Variants in PRDX6 observed in about 807,000 individuals in gnomAD.
PRDX6 encodes peroxiredoxin-6.
A neutral mutation model predicts 20.0 loss-of-function variants in PRDX6; 13 were observed. The ratio of observed to expected loss-of-function variants is 0.65; its 90% CI spans 0.42 to 1.03. The LOEUF (loss-of-function observed/expected upper bound fraction) is 1.03. Among genes scored for constraint, PRDX6 ranks in the 50% least tolerant of loss-of-function variants. PRDX6 has a pLI of 0.00. For missense variants in PRDX6, 203 were observed against 276.9 expected (o/e 0.73, Z 1.89); for synonymous variants, 85 against 100.8 (o/e 0.84, Z 0.94).
chr1:173,486,478 G>A lies in PRDX6; in HGVS notation c.546+77G>A, dbSNP rs1658900901. ...CTAAATGGCCAACTTCAAGGTCTGT[G>A]TTACCTGTTTCTAGCACGCAAGTAC... On this transcript the variant is annotated intron_variant, in intron 4 of 4. Coordinates refer to ENST00000340385, the MANE Select transcript of PRDX6 (RefSeq NM_004905.3). 9.6e-6 allele frequency: 14 copies of A among 1,455,988 alleles called. No homozygotes were observed. The South Asian group carries it at 9.7e-5, about 10-fold the overall frequency. The allele number at this position is 1,455,988 out of a possible 1,614,324, so 90.2% of individuals were successfully genotyped here.
At chr1:173,486,439 T>G in intron 4 of PRDX6, 38 bp downstream of exon 4, 20 of 1,579,466 alleles carry the variant, frequency 1.3e-5, no homozygotes, top group Non-Finnish European at 1.5e-5. Context: ...TCTACTTGCC[T>G]GAAGGGCCAG....
At chr1:173,481,118 G>A in intron 1 of PRDX6, 2 of 522,036 alleles carry the variant, frequency 3.8e-6, no homozygotes, top group East Asian at 6.3e-5. Flanking sequence ...TCATGTCTTT[G>A]ATTGAATTGG....
intron 2 of PRDX6, among the ~76,000 whole-genome samples, chr1:173,483,082 A>G (rs1255328586): frequency 6.6e-6 from 1 of 152,256 alleles, no homozygotes; most frequent in Non-Finnish European, 1.5e-5. Flanking sequence ...TCTAATGCCC[A>G]TGATGCAAGT....
intron 1 of PRDX6, 46 bp downstream of exon 1, chr1:173,477,538 A>T: frequency 6.8e-7 from 1 of 1,467,562 alleles, no homozygotes; most frequent in South Asian, 1.2e-5. Flanking sequence ...GTTGCGCCGG[A>T]CTCGGAGGTG....
chr1:173,478,638 G>C (rs1434494167), intron 1 of PRDX6, among the ~76,000 whole-genome samples: 1 of 152,020 alleles, frequency 6.6e-6, no homozygotes, highest in Non-Finnish European at 1.5e-5. Context: ...CTACACTGTG[G>C]GGCTCCAAGG....
At chr1:173,486,542 G>C (rs1278263133) in intron 4 of PRDX6, 141 bp downstream of exon 4, 1 of 833,836 alleles carries the variant, frequency 1.2e-6, no homozygotes, top group Admixed American at 3.2e-5. Flanking sequence ...TTCAAGATTT[G>C]CTGAAAGGCC....
chr1:173,484,172 A>T (rs71637469), intron 2 of PRDX6, among the ~76,000 whole-genome samples: 21 of 91,244 alleles, frequency 2.3e-4, no homozygotes, highest in Admixed American at 5.1e-4. Flanking sequence ...ATATATTTAT[A>T]TATATACACA....
chr1:173,480,910 A>G (rs1432313776), intron 1 of PRDX6, among the ~76,000 whole-genome samples: 1 of 152,226 alleles, frequency 6.6e-6, no homozygotes, highest in African/African-American at 2.4e-5. Flanking sequence ...GACATCCATT[A>G]TTGGAGCTGA....
chr1:173,486,670 G>T (rs1047924581), intron 4 of PRDX6, among the ~76,000 whole-genome samples: 2 of 151,730 alleles, frequency 1.3e-5, no homozygotes, highest in African/African-American at 4.8e-5. Context: ...CTAATAGAAG[G>T]TTTAAAAAAA....
At chr1:173,478,580 T>G (rs1464999554) in intron 1 of PRDX6, among the ~76,000 whole-genome samples, 1 of 152,104 alleles carries the variant, frequency 6.6e-6, no homozygotes, top group Non-Finnish European at 1.5e-5. Context: ...TCAGAAGCAT[T>G]CCAGGCATGT....
chr1:173,485,634 A>G (rs1052403186), intron 3 of PRDX6, 127 bp downstream of exon 3: 4 of 874,650 alleles, frequency 4.6e-6, no homozygotes, highest in East Asian at 2.9e-5. Flanking sequence ...TATTGGCGAC[A>G]ATATCACTGA....
In PRDX6 at chr1:173,488,439, G is replaced by GA. The variant is rs761638283; in HGVS notation, c.*583dup. The GA allele has an allele frequency of 6.6e-6, 1 of 152,020 alleles. No homozygotes were observed. The highest frequency in any genetic ancestry group is 1.9e-4 in the East Asian group (1 of 5,196). 9.4% of individuals were successfully genotyped at this position (152,020 alleles called of 1,614,324 possible). On this transcript the variant is annotated 3_prime_UTR_variant, in exon 5 of 5. Transcript: ENST00000340385. ...TAATACATCTTGATCACAGCTGGGG[G>GA]AAAAAAAGCTTTTTAATTCTATACC...
intron 2 of PRDX6, among the ~76,000 whole-genome samples, chr1:173,482,484 G>A (rs951923552): frequency 1.3e-5 from 2 of 152,178 alleles, no homozygotes; most frequent in Admixed American, 6.5e-5. Context: ...GTCAATATTT[G>A]TTGAATGAAT....
Position 173,481,263 on chromosome 1 carries a change from C to T in PRDX6, c.96-63C>T, listed in dbSNP as rs142496350. ...TTTTGATCCAGAAGTTGTGACTTTT[C>T]ATTCTCTGTGATGTTGGTGATAACT... On this transcript the variant is annotated intron_variant, in intron 1 of 4. Coordinates refer to ENST00000340385, the MANE Select transcript of PRDX6 (RefSeq NM_004905.3). The T allele has an allele frequency of 3.7e-4, 540 of 1,467,534 alleles. 2 individuals carry two copies. In the Middle Eastern group the frequency reaches 5.1e-3, roughly 14 times the overall value. The allele number at this position is 1,467,534 out of a possible 1,614,324, so 90.9% of individuals were successfully genotyped here.
At position 173,480,489 on chromosome 1, in the gene PRDX6, G is replaced by A. The variant is rs143248474; in HGVS notation, c.96-837G>A. Among the ~76,000 whole-genome samples the A allele has an allele frequency of 7.8e-3, 1,190 of 152,308 alleles. 9 individuals are homozygous for A. Among genetic ancestry groups the A allele is most frequent in the Non-Finnish European group, 0.01 (699 of 68,014 alleles). ...CCAAGAAGAAGGAAATGGTACTTCAGCTTTCTTCGTGACAGCTTGAAATGT... is the reference window on the plus strand; with the variant it reads ...CCAAGAAGAAGGAAATGGTACTTCAACTTTCTTCGTGACAGCTTGAAATGT... On this transcript the variant is annotated intron_variant, in intron 1 of 4. Transcript: ENST00000340385.
rs1658924224 is a variant in PRDX6, at chr1:173,487,765, A to G, written c.577A>G (p.Ile193Val). The change falls in exon 5 of 5, where the codon ATC becomes GTC. Residue 193 changes from isoleucine to valine, a missense_variant. Coordinates refer to ENST00000340385, the MANE Select transcript of PRDX6 (RefSeq NM_004905.3). ...GGATAGTGTGATGGTCCTTCCAACC[A>G]TCCCTGAAGAAGAAGCCAAAAAACT... is the stretch of plus-strand genomic sequence containing the variant. ...DGDSVMVLPTIPEEEAKKLFP... is the reference protein window; with the variant it reads ...DGDSVMVLPTVPEEEAKKLFP... The G allele has an allele frequency of 6.2e-7, 1 of 1,614,048 alleles. No individual in the cohort carries two copies. The highest frequency in any genetic ancestry group is 1.1e-5 in the South Asian group (1 of 91,086).
At chr1:173,483,931 T>C (rs1019804551) in intron 2 of PRDX6, among the ~76,000 whole-genome samples, 2 of 151,378 alleles carry the variant, frequency 1.3e-5, no homozygotes, top group East Asian at 1.9e-4. Context: ...CGAAACCCCG[T>C]TTCTACTAAA....
intron 1 of PRDX6, among the ~76,000 whole-genome samples, chr1:173,480,712 G>A (rs931854984): frequency 6.6e-6 from 1 of 152,154 alleles, no homozygotes; most frequent in Non-Finnish European, 1.5e-5. Context: ...TAAATATTGG[G>A]TGTCATGTTT....
At position 173,483,921 on chromosome 1, in the gene PRDX6, C is replaced by T. The variant is rs139912370; in HGVS notation, c.253-1440C>T. Among the ~76,000 whole-genome samples the T allele has an allele frequency of 9.0e-3, 1,358 of 151,396 alleles. 18 individuals carry two copies. Among genetic ancestry groups the T allele is most frequent in the African/African-American group, 0.03 (1,244 of 41,220 alleles). On this transcript the variant is annotated intron_variant, in intron 2 of 4. Transcript: ENST00000340385. ...TTCAAGGCCAGCCTGGCCAAGATGG[C>T]GAAACCCCGTTTCTACTAAAAATAC... is the stretch of plus-strand genomic sequence containing the variant.
Sources: allele counts gnomAD v4.1 joint callset (sites outside exome capture counted in the v4.1 genomes callset), GRCh38; gene constraint gnomAD v4.1.1; transcripts MANE v1.5; gene names NCBI Gene and HGNC (gene_info 2026-07-23, HGNC 2026-07-21).